Variants in DSCAM observed in about 807,000 individuals in gnomAD.
The protein encoded by DSCAM is DS cell adhesion molecule.
A neutral mutation model predicts 217.7 loss-of-function variants in DSCAM; 47 were observed. The ratio of observed to expected loss-of-function variants is 0.22; its 90% CI spans 0.17 to 0.28. The LOEUF (loss-of-function observed/expected upper bound fraction) is 0.28, where lower values mean the gene tolerates loss of function less well. DSCAM is among the 10% of genes least tolerant of loss of function. The probability of loss-of-function intolerance (pLI) is 1.00; values close to 1 mark genes in which losing one functional copy is unlikely to be tolerated. For synonymous variants in DSCAM, 1,056 were observed against 1,015.3 expected (o/e 1.04, Z -0.76); for missense variants, 2,080 against 2,618.3 (o/e 0.79, Z 4.49).
chr21:40,514,176 G>T (rs924107004), intron 3 of DSCAM, among the ~76,000 whole-genome samples: 2 of 152,176 alleles, frequency 1.3e-5, no homozygotes, highest in Admixed American at 1.3e-4. Context: ...AAGAAAACTG[G>T]ACAGGTATGG....
At chr21:40,838,858 G>A (rs1164944512) in intron 1 of DSCAM, among the ~76,000 whole-genome samples, 1 of 152,114 alleles carries the variant, frequency 6.6e-6, no homozygotes, top group Non-Finnish European at 1.5e-5. Context: ...ATTTTGTCCA[G>A]ATTTCCAACC....
chr21:40,230,606 C>T (rs2091372844), intron 11 of DSCAM, among the ~76,000 whole-genome samples: 1 of 152,172 alleles, frequency 6.6e-6, no homozygotes, highest in Non-Finnish European at 1.5e-5. Flanking sequence ...TTACTCTAAA[C>T]ACTGCTTTTG....
intron 8 of DSCAM, among the ~76,000 whole-genome samples, chr21:40,325,986 G>A (rs1372691430): frequency 1.3e-5 from 2 of 151,956 alleles, no homozygotes; most frequent in African/African-American, 2.4e-5. Context: ...CTGGGTGGGG[G>A]GCAAACTAAG....
chr21:40,538,189 T>C (rs903595086), intron 3 of DSCAM, among the ~76,000 whole-genome samples: 1 of 152,156 alleles, frequency 6.6e-6, no homozygotes, highest in Non-Finnish European at 1.5e-5. Context: ...TGAGAGCCCT[T>C]CTGCCCTCTC....
At chr21:40,438,463 C>T (rs118039788) in intron 3 of DSCAM, among the ~76,000 whole-genome samples, 1,884 of 152,116 alleles carry the variant, frequency 0.012, 21 homozygotes, top group Non-Finnish European at 0.019. Context: ...TGCAATAATC[C>T]GACATAAAGC....
intron 1 of DSCAM, among the ~76,000 whole-genome samples, chr21:40,791,400 A>G (rs917242286): frequency 3.3e-5 from 5 of 152,178 alleles, no homozygotes; most frequent in Non-Finnish European, 7.4e-5. Context: ...CACGCCTGTA[A>G]TCCCAGCACT....
chr21:40,299,364 G>A (rs1011870471), intron 9 of DSCAM, among the ~76,000 whole-genome samples: 3 of 152,030 alleles, frequency 2.0e-5, no homozygotes, highest in Admixed American at 1.3e-4. Flanking sequence ...CAGTGAATAC[G>A]TAGGTCCCTT....
intron 3 of DSCAM, among the ~76,000 whole-genome samples, chr21:40,644,482 C>G (rs910190509): frequency 6.6e-6 from 1 of 152,186 alleles, no homozygotes; most frequent in East Asian, 1.9e-4. Flanking sequence ...TGCCCTCACT[C>G]CTGTGATGGC....
rs747704315 is a variant in DSCAM at position 40,093,736 on chromosome 21, C to T, written c.3835G>A (p.Glu1279Lys). ...CACTGCCTACCTTTTGCTAGTGGCT[C>T]GACTGTGATGATTTCACTGCTGTTG... Reference protein sequence around the residue: ...RGNSSEIITVEPLAKAPARIL... With the variant: ...RGNSSEIITVKPLAKAPARIL... Residue 1279 changes from glutamate (E) to lysine (K), a missense_variant, in exon 21 of 33, where the codon GAG becomes AAG. Around this residue, in one of 5 missense-constraint regions of DSCAM, gnomAD observed 1,144 missense variants for 1,421.1 expected, o/e 0.81. Coordinates refer to ENST00000400454, the MANE Select transcript of DSCAM (RefSeq NM_001389.5). 6.9e-5 allele frequency: 111 copies of T among 1,613,802 alleles called. No individual in the cohort carries two copies. The highest frequency in any genetic ancestry group is 8.8e-5 in the Non-Finnish European group (104 of 1,179,908).
intron 1 of DSCAM, among the ~76,000 whole-genome samples, chr21:40,775,879 T>G (rs2091483823): frequency 6.6e-6 from 1 of 152,190 alleles, no homozygotes; most frequent in Non-Finnish European, 1.5e-5. Flanking sequence ...CCTTTGCAGT[T>G]TTGATTGACT....
intron 1 of DSCAM, among the ~76,000 whole-genome samples, chr21:40,797,636 G>T (rs566481946): frequency 6.6e-6 from 1 of 151,788 alleles, no homozygotes; most frequent in South Asian, 2.1e-4. Flanking sequence ...GAGTGTACTT[G>T]TTATGTAGAA....
chr21:40,260,121 T>C (rs1373929502), intron 11 of DSCAM, among the ~76,000 whole-genome samples: 4 of 152,162 alleles, frequency 2.6e-5, no homozygotes, highest in Non-Finnish European at 5.9e-5. Flanking sequence ...GTTCCAGTGT[T>C]CAGAATGAGC....
At chr21:40,578,744 A>G (rs2076878015) in intron 3 of DSCAM, among the ~76,000 whole-genome samples, 1 of 152,208 alleles carries the variant, frequency 6.6e-6, no homozygotes, top group Admixed American at 6.5e-5. Context: ...CAGCGAGAAC[A>G]AGAACCCATA....
chr21:40,319,232 G>C (rs141211665), intron 8 of DSCAM, among the ~76,000 whole-genome samples: 37 of 152,214 alleles, frequency 2.4e-4, no homozygotes, highest in African/African-American at 7.0e-4. Context: ...ACCTCCTTTA[G>C]GGGAGGAGTT....
At chr21:40,340,698 TTA>T (rs1267116838) in intron 6 of DSCAM, among the ~76,000 whole-genome samples, 13 of 152,332 alleles carry the variant, frequency 8.5e-5, no homozygotes, top group African/African-American at 2.9e-4. Context: ...TAGATTTTTT[TTA>T]GTTTTTGATT....
chr21:40,334,477 C>T (rs532626540), intron 8 of DSCAM, among the ~76,000 whole-genome samples: 14 of 152,230 alleles, frequency 9.2e-5, no homozygotes, highest in Admixed American at 2.6e-4. Flanking sequence ...AATAGACCTT[C>T]GAAATAGATC....
chr21:40,701,865 ATGTC>A (rs1345310975), intron 2 of DSCAM, among the ~76,000 whole-genome samples: 1 of 152,142 alleles, frequency 6.6e-6, no homozygotes, highest in Non-Finnish European at 1.5e-5. Flanking sequence ...ATATTAGTAA[ATGTC>A]TGTGTGTCTC....
chr21:40,565,858 T>C (rs566983211), intron 3 of DSCAM, among the ~76,000 whole-genome samples: 3 of 152,212 alleles, frequency 2.0e-5, no homozygotes, highest in Non-Finnish European at 4.4e-5. Flanking sequence ...TTTGTAAAAT[T>C]GGACTCTTGT....
chr21:40,598,090 T>C (rs1042845883), intron 3 of DSCAM, among the ~76,000 whole-genome samples: 11 of 152,234 alleles, frequency 7.2e-5, no homozygotes, highest in African/African-American at 2.4e-4. Flanking sequence ...CCCTGGGGTT[T>C]GTCCTGTTCA....
Sources: allele counts gnomAD v4.1 joint callset (sites outside exome capture counted in the v4.1 genomes callset), GRCh38; gene constraint gnomAD v4.1.1; regional missense constraint gnomAD v4.1.1; transcripts MANE v1.5; gene names NCBI Gene and HGNC (gene_info 2026-07-23, HGNC 2026-07-21).